INPP5F: variants seen among roughly 807,000 people sequenced by gnomAD.
INPP5F encodes the protein inositol polyphosphate-5-phosphatase F, also known as phosphatidylinositide 4-phosphatase SAC2.
Under a neutral mutation model 137.2 loss-of-function variants are expected in INPP5F, and 97 were observed. The ratio of observed to expected loss-of-function variants is 0.71; its 90% CI spans 0.60 to 0.84. The LOEUF (loss-of-function observed/expected upper bound fraction) is 0.84. Ranked by LOEUF, INPP5F falls within the 40% of genes least tolerant of loss-of-function variation. The pLI is 0.00. For synonymous variants in INPP5F, 504 were observed against 476.9 expected (o/e 1.06, Z -0.74); for missense variants, 1,271 against 1,371.9 (o/e 0.93, Z 1.16).
chr10:119,820,791 C>CA lies in INPP5F; in HGVS notation c.1887-49dup, dbSNP rs1851529845. ...AGCTCTGCTGTAGAAATATGCTTGG[C>CA]AAAAAATGCAGATGGAAATGAAAAT... On this transcript the variant is annotated intron_variant, in intron 15 of 19. Transcript: ENST00000650623. The CA allele has an allele frequency of 4.2e-6, 6 of 1,431,778 alleles. No homozygotes were observed. In the Admixed American group the frequency reaches 5.1e-5, roughly 12 times the overall value. 88.7% of individuals were successfully genotyped at this position (1,431,778 alleles called of 1,614,324 possible). A position where few individuals can be genotyped will look rare whatever the true frequency, so the allele number is the denominator to read the frequency against.
chr10:119,818,834 C>T (rs1294025452), intron 15 of INPP5F: 3 of 152,306 alleles, frequency 2.0e-5, no homozygotes, highest in African/African-American at 7.2e-5. Context: ...TCACAGGCCT[C>T]CGCCTACCGC....
intron 1 of INPP5F, among the ~76,000 whole-genome samples, chr10:119,746,882 G>T (rs1377655273): frequency 1.3e-5 from 2 of 151,308 alleles, no homozygotes; most frequent in African/African-American, 4.9e-5. Context: ...TCTACTTCCC[G>T]GATTCAAGCG....
chr10:119,756,486 A>T (rs1848845325), intron 2 of INPP5F, among the ~76,000 whole-genome samples: 1 of 151,770 alleles, frequency 6.6e-6, no homozygotes, highest in South Asian at 2.1e-4. Flanking sequence ...AAATACAAAA[A>T]TTAGCTGGGT....
At chr10:119,813,420 G>A (rs1045805050) in intron 15 of INPP5F, among the ~76,000 whole-genome samples, 7 of 152,154 alleles carry the variant, frequency 4.6e-5, no homozygotes, top group Non-Finnish European at 1.0e-4. Context: ...GCCAAGGCAA[G>A]AGGATCATTT....
intron 3 of INPP5F, among the ~76,000 whole-genome samples, chr10:119,784,940 CAT>C (rs1849830088): frequency 6.6e-6 from 1 of 152,212 alleles, no homozygotes; most frequent in Non-Finnish European, 1.5e-5. Flanking sequence ...CTGGACATCT[CAT>C]AGAAACGGAA....
At chr10:119,782,461 G>A (rs1259946681) in intron 3 of INPP5F, among the ~76,000 whole-genome samples, 1 of 152,292 alleles carries the variant, frequency 6.6e-6, no homozygotes. Context: ...ACTATGTGAT[G>A]TGCCAGGTGG....
At chr10:119,784,793 A>C (rs1849822009) in intron 3 of INPP5F, among the ~76,000 whole-genome samples, 1 of 152,224 alleles carries the variant, frequency 6.6e-6, no homozygotes, top group Admixed American at 6.5e-5. Context: ...CACCACAATC[A>C]ATTTTAGAAC....
At chr10:119,812,099 A>G in intron 15 of INPP5F, 144 bp downstream of exon 15, 1 of 639,138 alleles carries the variant, frequency 1.6e-6, no homozygotes, top group Non-Finnish European at 2.7e-6. Flanking sequence ...TAGTGAGGCA[A>G]GCTGACTGAG....
chr10:119,805,483 C>T lies in INPP5F; in HGVS notation c.1319+22C>T, dbSNP rs755151987. The T allele has an allele frequency of 3.4e-6, 5 of 1,478,754 alleles. No individual in the cohort carries two copies. In the East Asian group the frequency reaches 6.8e-5, roughly 20 times the overall value. 91.6% of individuals were successfully genotyped at this position (1,478,754 alleles called of 1,614,324 possible). ...GTTGGTAAGTATTTTACAAGAACTCCTTTTTACAGACTCTGGGATCTGTAA... is the reference window on the plus strand; with the variant it reads ...GTTGGTAAGTATTTTACAAGAACTCTTTTTTACAGACTCTGGGATCTGTAA... On this transcript the variant is annotated intron_variant, in intron 11 of 19. Transcript: ENST00000650623.
intron 9 of INPP5F, among the ~76,000 whole-genome samples, chr10:119,802,219 G>C (rs1330171125): frequency 6.6e-6 from 1 of 151,998 alleles, no homozygotes; most frequent in Non-Finnish European, 1.5e-5. Flanking sequence ...TTCTGGGTTT[G>C]ATGTGGAACT....
At chr10:119,810,004 C>G (rs1850964987) in intron 13 of INPP5F, 96 bp from the exon 14 acceptor site, 1 of 721,400 alleles carries the variant, frequency 1.4e-6, no homozygotes, top group Non-Finnish European at 2.5e-6. Context: ...ATTATAAAAG[C>G]CTGTAGAATT....
chr10:119,785,214 G>T (rs949181562), intron 3 of INPP5F, among the ~76,000 whole-genome samples: 1 of 149,960 alleles, frequency 6.7e-6, no homozygotes, highest in African/African-American at 2.5e-5. Flanking sequence ...ATCTCTCTTG[G>T]GTGTGTACCT....
At chr10:119,764,528 A>G (rs767729978) in intron 2 of INPP5F, among the ~76,000 whole-genome samples, 14 of 151,718 alleles carry the variant, frequency 9.2e-5, no homozygotes, top group Non-Finnish European at 1.8e-4. Flanking sequence ...GACCTTTATA[A>G]TGACCCACTT....
Position 119,726,238 on chromosome 10 carries a change from G to A in INPP5F, c.-25G>A. 7.0e-7 allele frequency: 1 copy of A among 1,419,620 alleles called. No individual in the cohort carries two copies. Among genetic ancestry groups the A allele is most frequent in the Admixed American group, 2.8e-5 (1 of 35,294 alleles). The allele number at this position is 1,419,620 out of a possible 1,614,324, so 87.9% of individuals were successfully genotyped here. ...CCCCGTGCGCCGCCCGCGGGCCGCC[G>A]CCTCCCTGGGCGCGCGGGGCCAGCA... is the stretch of plus-strand genomic sequence containing the variant. On this transcript the variant is annotated 5_prime_UTR_variant, in exon 1 of 20. Coordinates refer to ENST00000650623, the MANE Select transcript of INPP5F (RefSeq NM_014937.4).
At chr10:119,785,284 C>CTTTTTTTTTT (rs1440327192) in intron 3 of INPP5F, among the ~76,000 whole-genome samples, 13 of 81,600 alleles carry the variant, frequency 1.6e-4, no homozygotes, top group Admixed American at 3.5e-4. Context: ...AACTGCCAGA[C>CTTTTTTTTTT]TGTTTTTTTT....
At chr10:119,753,991 C>T (rs149158706) in intron 2 of INPP5F, among the ~76,000 whole-genome samples, 260 of 152,262 alleles carry the variant, frequency 1.7e-3, no homozygotes, top group African/African-American at 6.1e-3. Flanking sequence ...CTCTTTTTGG[C>T]TTTCTCTGTT....
intron 6 of INPP5F, among the ~76,000 whole-genome samples, chr10:119,794,375 T>C (rs1850251369): frequency 6.6e-6 from 1 of 152,140 alleles, no homozygotes; most frequent in Admixed American, 6.5e-5. Context: ...GCAGAAGAAT[T>C]TTTCTTAGTG....
At chr10:119,821,768 G>A (rs1016060807) in intron 16 of INPP5F, among the ~76,000 whole-genome samples, 3 of 151,322 alleles carry the variant, frequency 2.0e-5, no homozygotes, top group South Asian at 2.1e-4. Context: ...GTGTGCACAC[G>A]CGCGCGCATG....
chr10:119,805,984 C>T (rs552325780), intron 11 of INPP5F, among the ~76,000 whole-genome samples: 27 of 152,274 alleles, frequency 1.8e-4, no homozygotes, highest in African/African-American at 6.0e-4. Flanking sequence ...AAAATAACTT[C>T]GTCTGTTTTG....
Sources: gnomAD v4.1 joint callset for allele counts (sites outside exome capture counted in the v4.1 genomes callset) on GRCh38, gnomAD v4.1.1 for gene constraint, MANE v1.5 for transcripts, NCBI Gene and HGNC (gene_info 2026-07-23, HGNC 2026-07-21) for gene names.